SPATA13: variants seen among roughly 807,000 people sequenced by gnomAD.
The protein encoded by SPATA13 is spermatogenesis-associated protein 13.
Under a neutral mutation model 104.0 loss-of-function variants are expected in SPATA13, and 50 were observed. The ratio of observed to expected loss-of-function variants is 0.48; its 90% CI spans 0.38 to 0.61. SPATA13 has a LOEUF of 0.61. Among genes scored for constraint, SPATA13 ranks in the 20% least tolerant of loss-of-function variants. The pLI is 0.00. For missense variants in SPATA13, 1,524 were observed against 1,690.6 expected, an observed-to-expected ratio of 0.90 and a Z score of 1.73; for synonymous variants, 606 against 667.5, an observed-to-expected ratio of 0.91 and a Z score of 1.42.
In SPATA13 at chr13:24,297,416, C is replaced by T; in HGVS notation, c.3264C>T (p.Thr1088=). The change falls in exon 11 of 13, where the codon ACC becomes ACT. Residue 1088 remains threonine, a synonymous_variant. Transcript: ENST00000382108. ...SSELIHSGEL[T]KITKQGKSQQ... is the part of the protein sequence containing the mutation. ...AATTGATTCATTCTGGGGAGCTGACCAAAATCACTAAGCAAGGCAAAAGCC... is the reference window on the plus strand; with the variant it reads ...AATTGATTCATTCTGGGGAGCTGACTAAAATCACTAAGCAAGGCAAAAGCC... 6.2e-7 allele frequency: 1 copy of T among 1,613,920 alleles called. No individual in the cohort carries two copies. Among genetic ancestry groups the T allele is most frequent in the Non-Finnish European group, 8.5e-7 (1 of 1,179,980 alleles).
At chr13:24,258,790 A>G (rs1873916388) in intron 4 of SPATA13, among the ~76,000 whole-genome samples, 1 of 152,236 alleles carries the variant, frequency 6.6e-6, no homozygotes, top group African/African-American at 2.4e-5. Flanking sequence ...TACCACAAGA[A>G]CAAACAAAGG....
chr13:24,003,743 T>A (rs1182529085), intron 2 of SPATA13, among the ~76,000 whole-genome samples: 1 of 152,262 alleles, frequency 6.6e-6, no homozygotes, highest in Non-Finnish European at 1.5e-5. Flanking sequence ...AAAGTATTTG[T>A]CTTTACGTTA....
chr13:24,106,427 A>T (rs954996663), intron 3 of SPATA13, among the ~76,000 whole-genome samples: 3 of 152,214 alleles, frequency 2.0e-5, no homozygotes, highest in African/African-American at 7.2e-5. Context: ...TTTTCCTTGT[A>T]TATGAAAATG....
At chr13:24,173,509 A>C (rs58706195) in intron 1 of SPATA13, among the ~76,000 whole-genome samples, 9,952 of 131,404 alleles carry the variant, frequency 0.076, 512 homozygotes, top group East Asian at 0.28. Flanking sequence ...CCCGTCCCCC[A>C]ACTTTTTTTT....
At chr13:24,181,125 T>C (rs1868777629) in intron 1 of SPATA13, among the ~76,000 whole-genome samples, 1 of 152,206 alleles carries the variant, frequency 6.6e-6, no homozygotes, top group Admixed American at 6.5e-5. Context: ...GTAGGGCACT[T>C]ATGAATGGAG....
intron 3 of SPATA13, among the ~76,000 whole-genome samples, chr13:24,086,015 G>A (rs7983946): frequency 0.8 from 122,011 of 152,110 alleles, 49,292 homozygotes; most frequent in East Asian, 1. Flanking sequence ...AGGAAACTCT[G>A]GGTTAGAGGA....
chr13:24,212,115 G>A (rs1871053082), intron 1 of SPATA13, among the ~76,000 whole-genome samples: 1 of 152,016 alleles, frequency 6.6e-6, no homozygotes. Flanking sequence ...GTTCTTTCTT[G>A]TTCAGAGATG....
At chr13:24,047,433 C>T (rs1432590166) in intron 3 of SPATA13, among the ~76,000 whole-genome samples, 2 of 152,174 alleles carry the variant, frequency 1.3e-5, no homozygotes, top group African/African-American at 2.4e-5. Context: ...AAGGCAGTTT[C>T]GGTCCCTGAG....
chr13:24,222,677 G>A (rs1196090595), intron 1 of SPATA13, 142 bp from the exon 2 acceptor site: 2 of 655,986 alleles, frequency 3.0e-6, no homozygotes, highest in South Asian at 2.2e-5. Context: ...TGAAGTGAAT[G>A]GAGGGGAAAT....
chr13:24,050,996 G>A lies in SPATA13; in HGVS notation c.-112+33295G>A, dbSNP rs116600224. Reference sequence around the variant, plus strand: ...ACCTGAGGGTTTTCCAGCTGTTTTTGCAGGTGAGTGTACTGTGAGCTAAGC... The same window carrying A: ...ACCTGAGGGTTTTCCAGCTGTTTTTACAGGTGAGTGTACTGTGAGCTAAGC... On this transcript the variant is annotated intron_variant, in intron 3 of 14. Transcript: ENST00000424834. Among the ~76,000 whole-genome samples, 1,432 of 152,292 alleles carry A rather than the reference G, an allele frequency of 9.4e-3. 27 individuals carry two copies. Among genetic ancestry groups the A allele is most frequent in the African/African-American group, 0.031 (1,293 of 41,554 alleles).
chr13:24,160,625 G>T, upstream of SPATA13: 1 of 743,344 alleles, frequency 1.3e-6, no homozygotes. Flanking sequence ...CTGAGGGAGT[G>T]AGCTAACCGG....
chr13:24,009,309 T>C (rs1876368071), intron 2 of SPATA13, among the ~76,000 whole-genome samples: 1 of 152,222 alleles, frequency 6.6e-6, no homozygotes, highest in South Asian at 2.1e-4. Context: ...TTTAGAAAGT[T>C]TATTTTGCCA....
chr13:24,126,431 A>G (rs932474672), intron 3 of SPATA13, among the ~76,000 whole-genome samples: 4 of 152,210 alleles, frequency 2.6e-5, no homozygotes, highest in African/African-American at 9.7e-5. Flanking sequence ...GGACTTGGGT[A>G]ACTTTCTCCT....
rs1300452159 is a variant in SPATA13 at position 24,051,614 on chromosome 13, G to A, written c.-112+33913G>A. Among the ~76,000 whole-genome samples the A allele has an allele frequency of 1.3e-5, 2 of 152,244 alleles. No homozygotes were observed. Among genetic ancestry groups the A allele is most frequent in the African/African-American group, 4.8e-5 (2 of 41,552 alleles). On this transcript the variant is annotated intron_variant, in intron 3 of 14. Transcript: ENST00000424834. The surrounding 1 kb of genome is among the most constrained non-coding windows in gnomAD (Gnocchi z 4.2). ...GCTGGTCTAGTAGAGTGGAGCCAGC[G>A]GAGACAATGCTCCCTGTTTGGGGAT...
intron 2 of SPATA13, among the ~76,000 whole-genome samples, chr13:24,232,480 A>G (rs573375638): frequency 1.4e-4 from 22 of 152,232 alleles, no homozygotes; most frequent in Non-Finnish European, 2.9e-4. Flanking sequence ...AATCAAGTTG[A>G]CACATCAAAT....
chr13:24,285,252 G>C (rs1291193761), intron 5 of SPATA13, among the ~76,000 whole-genome samples: 1 of 152,106 alleles, frequency 6.6e-6, no homozygotes, highest in African/African-American at 2.4e-5. Flanking sequence ...CTCTTCAATT[G>C]CTGTAAAGTG....
rs183723233 is a variant in SPATA13, at chr13:24,267,624, A to T, written c.2164+15762A>T. Among the ~76,000 whole-genome samples, 141 of 152,328 alleles carry T rather than the reference A, an allele frequency of 9.3e-4. 2 individuals carry two copies. The East Asian group carries it at 0.022, about 24-fold the overall frequency. The stretch of plus-strand genomic sequence containing the variant: ...ACTAATGATTTTAACCAAAAAAAAA[A>T]TTTTTGTAGAAAATGAAAACACTGG... On this transcript the variant is annotated intron_variant, in intron 4 of 12. Transcript: ENST00000382108.
intron 3 of SPATA13, among the ~76,000 whole-genome samples, chr13:24,100,645 G>T (rs1021412704): frequency 2.6e-5 from 4 of 152,138 alleles, no homozygotes; most frequent in Non-Finnish European, 5.9e-5. Context: ...ATTTTCCAAA[G>T]GTCACAAAAC....
intron 3 of SPATA13, chr13:24,033,549 C>G (rs1235100731): frequency 2.0e-5 from 3 of 152,466 alleles, no homozygotes; most frequent in Admixed American, 2.0e-4. Context: ...GAGGAGAACC[C>G]GGGCACACAG....
Sources: gnomAD v4.1 joint callset for allele counts (sites outside exome capture counted in the v4.1 genomes callset) on GRCh38, gnomAD v4.1.1 for gene constraint, Gnocchi (gnomAD v3.1) non-coding constraint, MANE v1.5 for transcripts, NCBI Gene and HGNC (gene_info 2026-07-23, HGNC 2026-07-21) for gene names.